NPHP1: variants seen among roughly 807,000 people sequenced by gnomAD.
The protein encoded by NPHP1 is nephrocystin-1.
A neutral mutation model predicts 90.4 loss-of-function variants in NPHP1; 70 were observed. The observed-to-expected ratio is 0.77, with a 90% confidence interval of 0.64 to 0.95. NPHP1 has a LOEUF of 0.95. NPHP1 is among the 40% of genes least tolerant of loss of function. NPHP1 has a pLI of 0.00. For synonymous variants in NPHP1, 256 were observed against 271.7 expected (o/e 0.94, Z 0.57); for missense variants, 764 against 795.9 (o/e 0.96, Z 0.48).
chr2:110,141,891 T>A (rs1574080740), intron 16 of NPHP1, among the ~76,000 whole-genome samples: 1 of 146,850 alleles, frequency 6.8e-6, no homozygotes, highest in South Asian at 2.1e-4. Flanking sequence ...GAAAATGGCG[T>A]GAACCCGGGA....
intron 16 of NPHP1, among the ~76,000 whole-genome samples, chr2:110,137,593 A>G (rs1209114237): frequency 1.3e-5 from 2 of 152,234 alleles, no homozygotes; most frequent in Non-Finnish European, 2.9e-5. Flanking sequence ...ATCACTGGCC[A>G]TCAGAGAAAT....
chr2:110,154,729 G>A (rs919273527), intron 11 of NPHP1, among the ~76,000 whole-genome samples: 2 of 152,040 alleles, frequency 1.3e-5, no homozygotes, highest in Non-Finnish European at 2.9e-5. Flanking sequence ...GATGATTTAG[G>A]GTATCTGTTG....
intron 8 of NPHP1, chr2:110,163,405 C>T (rs1682489799): frequency 2.2e-6 from 1 of 452,386 alleles, no homozygotes; most frequent in Non-Finnish European, 4.1e-6. Context: ...ATCAAAATGT[C>T]CCTGCTCCTG....
chr2:110,127,412 C>T (rs1292405808), intron 18 of NPHP1: 3 of 152,086 alleles, frequency 2.0e-5, no homozygotes, highest in Non-Finnish European at 4.4e-5. Context: ...ACAACCACCA[C>T]TTTCTTTTTT....
Position 110,170,002 on chromosome 2 carries a change from CA to C in NPHP1, c.330-5del, listed in dbSNP as rs1559081637. Reference sequence around the variant, plus strand: ...TTCTTCAGTAGGTGCCCCAACTCTACAAAAAGTGTTTCTGAGTAGGACTACT... The same window carrying C: ...TTCTTCAGTAGGTGCCCCAACTCTACAAAAGTGTTTCTGAGTAGGACTACT... On this transcript the variant is annotated splice_polypyrimidine_tract_variant and splice_region_variant and intron_variant, in intron 4 of 19. Coordinates refer to ENST00000445609, the MANE Select transcript of NPHP1 (RefSeq NM_001128178.3). 6.2e-7 allele frequency: 1 copy of C among 1,613,192 alleles called. No individual in the cohort carries two copies. Among genetic ancestry groups the C allele is most frequent in the Admixed American group, 1.7e-5 (1 of 60,012 alleles).
chr2:110,136,852 G>A (rs547843289), intron 16 of NPHP1, among the ~76,000 whole-genome samples: 7 of 152,226 alleles, frequency 4.6e-5, no homozygotes, highest in Non-Finnish European at 8.8e-5. Flanking sequence ...CCAAAAAAGA[G>A]CCCGCATTGC....
chr2:110,164,646 G>T, intron 8 of NPHP1, 42 bp downstream of exon 8: 1 of 1,613,680 alleles, frequency 6.2e-7, no homozygotes, highest in East Asian at 2.2e-5. Context: ...GAACTATTAG[G>T]TAGCAAAACG....
chr2:110,196,305 C>T (rs1388449364), intron 2 of NPHP1, among the ~76,000 whole-genome samples: 1 of 151,026 alleles, frequency 6.6e-6, no homozygotes, highest in African/African-American at 2.4e-5. Flanking sequence ...AACAAATTTA[C>T]AAGAAAAAAA....
intron 2 of NPHP1, among the ~76,000 whole-genome samples, chr2:110,190,841 G>A (rs564016527): frequency 3.3e-5 from 5 of 152,092 alleles, no homozygotes; most frequent in Non-Finnish European, 7.4e-5. Context: ...AATATCCAGA[G>A]TCTAAAAATA....
chr2:110,131,991 C>T lies in NPHP1; in HGVS notation c.1530-200G>A, dbSNP rs576704202. 2.6e-5 allele frequency among the ~76,000 whole-genome samples: 4 copies of T among 152,282 alleles called. No homozygotes were observed. In the East Asian group the frequency reaches 5.8e-4, roughly 22 times the overall value. On this transcript the variant is annotated intron_variant, in intron 16 of 19. Coordinates refer to ENST00000445609, the MANE Select transcript of NPHP1 (RefSeq NM_001128178.3). ...AACTTTTTATATTTGTTTACACTTT[C>T]GAGTCTCAACCCTGTGTTGCCATTT...
intron 11 of NPHP1, 126 bp from the exon 12 acceptor site, chr2:110,150,382 T>C (rs1681375546): frequency 3.6e-6 from 3 of 822,636 alleles, no homozygotes; most frequent in Non-Finnish European, 6.3e-6. Flanking sequence ...AACTTTCACT[T>C]TTTACTTCAT....
At chr2:110,186,082 G>C (rs1422838304) in intron 2 of NPHP1, among the ~76,000 whole-genome samples, 1 of 152,086 alleles carries the variant, frequency 6.6e-6, no homozygotes, top group Non-Finnish European at 1.5e-5. Flanking sequence ...TAGCCTCCAG[G>C]GCCCCGCCTC....
At chr2:110,131,422 C>T (rs554299759) in intron 17 of NPHP1, among the ~76,000 whole-genome samples, 8 of 152,250 alleles carry the variant, frequency 5.3e-5, no homozygotes, top group African/African-American at 1.9e-4. Flanking sequence ...CTATATCTGA[C>T]TCTTGGGATC....
At chr2:110,137,971 T>A (rs1331325240) in intron 16 of NPHP1, among the ~76,000 whole-genome samples, 1 of 151,334 alleles carries the variant, frequency 6.6e-6, no homozygotes. Context: ...GTGGCACATA[T>A]ACACCATGGA....
chr2:110,146,887 A>G (rs777939674), intron 13 of NPHP1, 52 bp from the exon 14 acceptor site: 19 of 1,263,154 alleles, frequency 1.5e-5, no homozygotes, highest in Non-Finnish European at 2.1e-5. Context: ...AGTCAAATTT[A>G]TAAGCACATA....
At chr2:110,185,233 C>T (rs563877077) in intron 2 of NPHP1, 12 of 510,578 alleles carry the variant, frequency 2.4e-5, no homozygotes, top group South Asian at 1.4e-4. Context: ...CTTTAAAACT[C>T]GCTTTGTTGA....
chr2:110,159,543 A>G (rs1167039326), intron 11 of NPHP1, among the ~76,000 whole-genome samples: 1 of 151,894 alleles, frequency 6.6e-6, no homozygotes, highest in Non-Finnish European at 1.5e-5. Context: ...TATTTCATCA[A>G]TGTTGTCAAA....
chr2:110,176,463 C>A (rs1683515365), intron 4 of NPHP1, among the ~76,000 whole-genome samples: 1 of 152,046 alleles, frequency 6.6e-6, no homozygotes. Context: ...CATCTTGTCA[C>A]TTATTGATCA....
chr2:110,158,222 C>G (rs139744320), intron 11 of NPHP1, among the ~76,000 whole-genome samples: 3 of 151,986 alleles, frequency 2.0e-5, no homozygotes, highest in Admixed American at 1.3e-4. Context: ...GACCCAGGAC[C>G]GTCTATATTG....
Sources: gnomAD v4.1 joint callset for allele counts (sites outside exome capture counted in the v4.1 genomes callset) on GRCh38, gnomAD v4.1.1 for gene constraint, MANE v1.5 for transcripts, NCBI Gene and HGNC (gene_info 2026-07-23, HGNC 2026-07-21) for gene names.